Variants in SAMD4A observed in about 807,000 individuals in gnomAD.
The protein encoded by SAMD4A is protein Smaug homolog 1.
Under a neutral mutation model 81.3 loss-of-function variants are expected in SAMD4A, and 33 were observed. The ratio of observed to expected loss-of-function variants is 0.41; its 90% confidence interval spans 0.31 to 0.54. The LOEUF (loss-of-function observed/expected upper bound fraction) is 0.54. Among genes scored for constraint, SAMD4A ranks in the 20% least tolerant of loss-of-function variants. The pLI, the probability that SAMD4A is intolerant of heterozygous loss-of-function variation, is 0.37. For synonymous variants in SAMD4A, 389 were observed against 382.1 expected (o/e 1.02, Z -0.21); for missense variants, 854 against 951.1 (o/e 0.90, Z 1.34).
intron 6 of SAMD4A, among the ~76,000 whole-genome samples, chr14:54,759,803 C>T (rs2038342326): frequency 6.6e-6 from 1 of 152,210 alleles, no homozygotes; most frequent in Non-Finnish European, 1.5e-5. Flanking sequence ...TGTCACCCAA[C>T]TTTGTTGTAC....
chr14:54,669,720 C>T (rs545602008), intron 2 of SAMD4A, among the ~76,000 whole-genome samples: 2 of 152,290 alleles, frequency 1.3e-5, no homozygotes, highest in East Asian at 3.9e-4. Flanking sequence ...TCTTTTCTCT[C>T]ACACACAGAA....
intron 10 of SAMD4A, 53 bp from the exon 11 acceptor site, chr14:54,776,361 C>T (rs1182069539): frequency 1.9e-6 from 3 of 1,544,074 alleles, no homozygotes; most frequent in Non-Finnish European, 2.6e-6. Flanking sequence ...CGGCTCTGCT[C>T]TCCACCCCAG....
In SAMD4A at chr14:54,721,516, A is replaced by G. The variant is rs1328547359; in HGVS notation, c.716-15508A>G. Among the ~76,000 whole-genome samples, 10 of 152,192 alleles carry G rather than the reference A, an allele frequency of 6.6e-5. 1 individual carries two copies. Among genetic ancestry groups the G allele is most frequent in the Admixed American group, 5.2e-4 (8 of 15,274 alleles). ...TTACCTCTCAAGAGCTTCCTCTTCAAGCTCTTACTTTTCTTGATAGTAATC... is the reference window on the plus strand; with the variant it reads ...TTACCTCTCAAGAGCTTCCTCTTCAGGCTCTTACTTTTCTTGATAGTAATC... On this transcript the variant is annotated intron_variant, in intron 3 of 12. Coordinates refer to ENST00000554335, the MANE Select transcript of SAMD4A (RefSeq NM_015589.6).
chr14:54,757,677 A>C (rs2038282783), intron 6 of SAMD4A, among the ~76,000 whole-genome samples: 1 of 152,144 alleles, frequency 6.6e-6, no homozygotes, highest in African/African-American at 2.4e-5. Flanking sequence ...GCAGGGATAC[A>C]TGTGATCACC....
intron 2 of SAMD4A, among the ~76,000 whole-genome samples, chr14:54,641,225 A>G (rs1164316289): frequency 1.3e-5 from 2 of 152,230 alleles, no homozygotes; most frequent in African/African-American, 4.8e-5. Context: ...AAGATAATAC[A>G]TATAAAGTGC....
Position 54,751,555 on chromosome 14 carries a change from G to A in SAMD4A, c.1176+18G>A, listed in dbSNP as rs760450561. ...TGGAAAGGGTAAGTTATCGGATGAG[G>A]GAACATTTCCACTTTCATTATGGGA... On this transcript the variant is annotated intron_variant, in intron 6 of 12. Transcript: ENST00000554335. 1.7e-5 allele frequency: 25 copies of A among 1,489,400 alleles called. No homozygotes were observed. The Middle Eastern group carries it at 6.8e-4, about 41-fold the overall frequency. 92.3% of individuals were successfully genotyped at this position (1,489,400 alleles called of 1,614,324 possible). A position where few individuals can be genotyped will look rare whatever the true frequency, so the allele number is the denominator to read the frequency against.
chr14:54,623,483 C>CAAAAAAAAAAAA lies in SAMD4A; in HGVS notation c.196+55390_196+55401dup, dbSNP rs59768858. 3.9e-4 allele frequency among the ~76,000 whole-genome samples: 18 copies of CAAAAAAAAAAAA among 45,964 alleles called. 2 individuals carry two copies. Among genetic ancestry groups the CAAAAAAAAAAAA allele is most frequent in the South Asian group, 1.6e-3 (1 of 644 alleles). 30.2% of individuals were successfully genotyped at this position (45,964 alleles called of 152,430 possible). On this transcript the variant is annotated intron_variant, in intron 2 of 12. Coordinates refer to ENST00000554335, the MANE Select transcript of SAMD4A (RefSeq NM_015589.6). Reference sequence around the variant, plus strand: ...TGTTAATAAATAACTTGGACATCAGCAAAAAAAAAAAAAAAAAAAAAAAAA... The same window carrying CAAAAAAAAAAAA: ...TGTTAATAAATAACTTGGACATCAGCAAAAAAAAAAAAAAAAAAAAAAAAAAAAAAAAAAAAA...
chr14:54,685,615 C>G (rs1242376141), intron 2 of SAMD4A: 1 of 433,652 alleles, frequency 2.3e-6, no homozygotes, highest in East Asian at 7.2e-5. Flanking sequence ...TTCAGAAAAA[C>G]TGATCTTAGC....
chr14:54,642,050 G>A (rs2035187254), intron 2 of SAMD4A, among the ~76,000 whole-genome samples: 1 of 152,032 alleles, frequency 6.6e-6, no homozygotes, highest in Non-Finnish European at 1.5e-5. Context: ...CACCCGTCTC[G>A]GCCTCCCAAA....
chr14:54,574,370 AT>A (rs1443349824), intron 2 of SAMD4A, among the ~76,000 whole-genome samples: 1 of 152,194 alleles, frequency 6.6e-6, no homozygotes, highest in African/African-American at 2.4e-5. Context: ...GTCACATGAA[AT>A]AAGTGCTTTT....
chr14:54,626,534 C>T lies in SAMD4A; in HGVS notation c.196+58422C>T, dbSNP rs566896356. On this transcript the variant is annotated intron_variant, in intron 2 of 12. Coordinates refer to ENST00000554335, the MANE Select transcript of SAMD4A (RefSeq NM_015589.6). Reference sequence around the variant, plus strand: ...TGTTCGGTACCTTGTGGATACGTTGCTGATTGCTAGGTGATGGCCAACTTT... The same window carrying T: ...TGTTCGGTACCTTGTGGATACGTTGTTGATTGCTAGGTGATGGCCAACTTT... 6.6e-5 allele frequency among the ~76,000 whole-genome samples: 10 copies of T among 152,276 alleles called. No individual in the cohort carries two copies. In the South Asian group the frequency reaches 2.1e-3, roughly 32 times the overall value.
intron 2 of SAMD4A, among the ~76,000 whole-genome samples, chr14:54,572,138 C>G (rs1055170628): frequency 2.6e-5 from 4 of 152,172 alleles, no homozygotes; most frequent in Non-Finnish European, 4.4e-5. Flanking sequence ...TAACTCTAGT[C>G]CAGTGCCTAG....
intron 2 of SAMD4A, among the ~76,000 whole-genome samples, chr14:54,612,668 A>G (rs921204791): frequency 2.0e-5 from 3 of 152,204 alleles, no homozygotes; most frequent in African/African-American, 7.2e-5. Context: ...ACTGAAAAAC[A>G]TCTGTTTTTT....
intron 2 of SAMD4A, among the ~76,000 whole-genome samples, chr14:54,701,566 T>C (rs151126570): frequency 3.9e-4 from 59 of 152,304 alleles, no homozygotes; most frequent in African/African-American, 1.4e-3. Flanking sequence ...AATTTCTCCA[T>C]CTAGGAAGTT....
At chr14:54,601,523 T>C (rs74840892) in intron 2 of SAMD4A, among the ~76,000 whole-genome samples, 2 of 152,204 alleles carry the variant, frequency 1.3e-5, no homozygotes, top group African/African-American at 2.4e-5. Flanking sequence ...AAAACAAGAA[T>C]GAGTCTCAAC....
chr14:54,781,474 T>C (rs1041500135), intron 11 of SAMD4A, among the ~76,000 whole-genome samples: 1 of 152,230 alleles, frequency 6.6e-6, no homozygotes, highest in Non-Finnish European at 1.5e-5. Flanking sequence ...ATGTCTCAAG[T>C]CAGCCTAGAC....
intron 2 of SAMD4A, among the ~76,000 whole-genome samples, chr14:54,677,969 A>G (rs896465824): frequency 6.6e-6 from 1 of 152,214 alleles, no homozygotes; most frequent in Non-Finnish European, 1.5e-5. Flanking sequence ...AAAGGAAAAG[A>G]AATATCTTTC....
At chr14:54,609,847 C>T (rs956964497) in intron 2 of SAMD4A, among the ~76,000 whole-genome samples, 8 of 152,146 alleles carry the variant, frequency 5.3e-5, no homozygotes, top group African/African-American at 1.7e-4. Flanking sequence ...GGACCAAAGA[C>T]TTTATTTGGT....
chr14:54,605,861 G>A (rs1040130711), intron 2 of SAMD4A, among the ~76,000 whole-genome samples: 68 of 151,590 alleles, frequency 4.5e-4, no homozygotes, highest in Admixed American at 4.4e-3. Context: ...ATTATTTTAC[G>A]GAATGATCAC....
Sources: gnomAD v4.1 joint callset for allele counts (sites outside exome capture counted in the v4.1 genomes callset) on GRCh38, gnomAD v4.1.1 for gene constraint, MANE v1.5 for transcripts, NCBI Gene and HGNC (gene_info 2026-07-23, HGNC 2026-07-21) for gene names.